SPIDR: variants seen among roughly 807,000 people sequenced by gnomAD.
The protein encoded by SPIDR is scaffold protein involved in DNA repair.
A neutral mutation model predicts 104.6 loss-of-function variants in SPIDR; 93 were observed. The ratio of observed to expected loss-of-function variants is 0.89; its 90% CI spans 0.75 to 1.06. The LOEUF (loss-of-function observed/expected upper bound fraction) is 1.06, where lower values mean the gene tolerates loss of function less well. Ranked by LOEUF, SPIDR falls within the 50% of genes least tolerant of loss-of-function variation. The probability of loss-of-function intolerance (pLI) is 0.00; values close to 1 mark genes in which losing one functional copy is unlikely to be tolerated. For synonymous variants in SPIDR, 431 were observed against 416.9 expected (o/e 1.03, Z -0.41); for missense variants, 1,154 against 1,111.2 (o/e 1.04, Z -0.55).
chr8:47,468,382 GC>G (rs2075215294), intron 8 of SPIDR, among the ~76,000 whole-genome samples: 1 of 152,082 alleles, frequency 6.6e-6, no homozygotes, highest in African/African-American at 2.4e-5. Context: ...CCAAAAATGA[GC>G]CCAAATAGCC....
At chr8:47,539,391 A>C (rs2087643342) in intron 8 of SPIDR, among the ~76,000 whole-genome samples, 1 of 152,220 alleles carries the variant, frequency 6.6e-6, no homozygotes, top group Admixed American at 6.5e-5. Flanking sequence ...CACCTCCCTT[A>C]GCCAGACAAG....
At chr8:47,699,768 T>C (rs2079879881) in intron 11 of SPIDR, among the ~76,000 whole-genome samples, 1 of 152,246 alleles carries the variant, frequency 6.6e-6, no homozygotes, top group African/African-American at 2.4e-5. Flanking sequence ...TTGGCCAGGC[T>C]GGTCCTGAAC....
At chr8:47,474,913 C>A (rs186332554) in intron 8 of SPIDR, among the ~76,000 whole-genome samples, 2 of 152,268 alleles carry the variant, frequency 1.3e-5, no homozygotes, top group East Asian at 1.9e-4. Context: ...ACATTTAATT[C>A]TTTGGCTTTT....
chr8:47,502,270 C>A (rs772488797), intron 8 of SPIDR, among the ~76,000 whole-genome samples: 1 of 152,054 alleles, frequency 6.6e-6, no homozygotes, highest in Non-Finnish European at 1.5e-5. Context: ...CCATCTGGTC[C>A]GGGGCTTTTT....
intron 8 of SPIDR, among the ~76,000 whole-genome samples, chr8:47,493,610 G>A (rs548035001): frequency 1.1e-4 from 17 of 152,326 alleles, no homozygotes; most frequent in Non-Finnish European, 1.8e-4. Flanking sequence ...GATCAGAGCA[G>A]AGGTCTGGAG....
chr8:47,374,051 G>T (rs138138190), intron 5 of SPIDR, among the ~76,000 whole-genome samples: 1 of 152,190 alleles, frequency 6.6e-6, no homozygotes, highest in Non-Finnish European at 1.5e-5. Flanking sequence ...TCTAGGTGTG[G>T]TGATGGTTTC....
chr8:47,325,988 A>G (rs1554600107), intron 5 of SPIDR, among the ~76,000 whole-genome samples: 5 of 152,002 alleles, frequency 3.3e-5, no homozygotes. Flanking sequence ...AATAAGCTTC[A>G]TCCATGCTTT....
At chr8:47,400,675 TTC>T (rs1328651155) in intron 6 of SPIDR, among the ~76,000 whole-genome samples, 2 of 116,904 alleles carry the variant, frequency 1.7e-5, no homozygotes, top group African/African-American at 5.2e-5. Flanking sequence ...TTTTCTTTCT[TTC>T]TTTTTTTTTT....
At position 47,349,462 on chromosome 8, in the gene SPIDR, A is replaced by T. The variant is rs190242376; in HGVS notation, c.526-46914A>T. Among the ~76,000 whole-genome samples the T allele has an allele frequency of 3.5e-3, 537 of 152,286 alleles. 7 individuals are homozygous for T. The highest frequency in any genetic ancestry group is 0.012 in the African/African-American group (509 of 41,566). On this transcript the variant is annotated intron_variant, in intron 5 of 19. Coordinates refer to ENST00000297423, the MANE Select transcript of SPIDR (RefSeq NM_001080394.4). ...GAGGAGGCAGTGTGTCTGTTCTCAGATCTCAAACTCCATTCTAGGAGAACC... is the reference window on the plus strand; with the variant it reads ...GAGGAGGCAGTGTGTCTGTTCTCAGTTCTCAAACTCCATTCTAGGAGAACC...
chr8:47,466,936 G>GAT (rs1292098286), intron 8 of SPIDR, among the ~76,000 whole-genome samples: 3 of 139,178 alleles, frequency 2.2e-5, no homozygotes, highest in Non-Finnish European at 3.1e-5. Flanking sequence ...TAGATAGATA[G>GAT]ATAGATAGAT....
intron 10 of SPIDR, among the ~76,000 whole-genome samples, chr8:47,642,447 CAT>C (rs1304638782): frequency 6.6e-6 from 1 of 151,256 alleles, no homozygotes; most frequent in Non-Finnish European, 1.5e-5. Context: ...AAGAATTCGA[CAT>C]GTGCTTGCTA....
At chr8:47,335,879 T>G (rs2154270701) in intron 5 of SPIDR, among the ~76,000 whole-genome samples, 1 of 152,274 alleles carries the variant, frequency 6.6e-6, no homozygotes, top group East Asian at 1.9e-4. Context: ...TTGTTTTTGT[T>G]AGATTTTTCT....
chr8:47,496,751 T>C lies in SPIDR; in HGVS notation c.1097+56209T>C, dbSNP rs577130290. 1.4e-3 allele frequency among the ~76,000 whole-genome samples: 213 copies of C among 149,178 alleles called. 1 individual carries two copies. The highest frequency in any genetic ancestry group is 5.1e-3 in the African/African-American group (205 of 39,824). On this transcript the variant is annotated intron_variant, in intron 8 of 19. Coordinates refer to ENST00000297423, the MANE Select transcript of SPIDR (RefSeq NM_001080394.4). ...TTTTTTTTTTTGAGTTTGTAAAAGA[T>C]TGTTATGAATTTCTCTTTAAACATT... is the stretch of plus-strand genomic sequence containing the variant.
At chr8:47,546,529 T>G (rs1418172548) in intron 8 of SPIDR, among the ~76,000 whole-genome samples, 4 of 152,154 alleles carry the variant, frequency 2.6e-5, no homozygotes, top group Non-Finnish European at 5.9e-5. Context: ...TTTGTCAATC[T>G]TACTGATCTT....
At chr8:47,299,499 T>C (rs1157301751) in intron 5 of SPIDR, among the ~76,000 whole-genome samples, 4 of 151,858 alleles carry the variant, frequency 2.6e-5, no homozygotes, top group African/African-American at 7.3e-5. Context: ...TGAATAGGAG[T>C]GGTGAGAGAG....
intron 5 of SPIDR, among the ~76,000 whole-genome samples, chr8:47,337,113 T>C (rs140043640): frequency 4.1e-4 from 63 of 152,240 alleles, no homozygotes; most frequent in African/African-American, 1.3e-3. Flanking sequence ...TTGGCTTGTG[T>C]GTGTGTGTTT....
At chr8:47,431,909 C>G (rs140398802) in intron 7 of SPIDR, among the ~76,000 whole-genome samples, 1 of 152,134 alleles carries the variant, frequency 6.6e-6, no homozygotes, top group Non-Finnish European at 1.5e-5. Flanking sequence ...ATGAATTGTG[C>G]TCTTCATAGG....
chr8:47,474,210 A>G (rs782045264), intron 8 of SPIDR, among the ~76,000 whole-genome samples: 14 of 152,210 alleles, frequency 9.2e-5, no homozygotes, highest in Non-Finnish European at 2.1e-4. Context: ...CTGTCTTTCT[A>G]TATATTTGAC....
intron 10 of SPIDR, among the ~76,000 whole-genome samples, chr8:47,671,855 T>G (rs1446279136): frequency 6.6e-6 from 1 of 152,226 alleles, no homozygotes; most frequent in African/African-American, 2.4e-5. Context: ...CTTCTTGCTT[T>G]TAACAGCTCA....
Sources: gnomAD v4.1 joint callset for allele counts (sites outside exome capture counted in the v4.1 genomes callset) on GRCh38, gnomAD v4.1.1 for gene constraint, MANE v1.5 for transcripts, NCBI Gene and HGNC (gene_info 2026-07-23, HGNC 2026-07-21) for gene names.